The following TXNDC11 variants were observed in gnomAD, a reference collection of about 807,000 sequenced individuals.
TXNDC11 encodes thioredoxin domain-containing protein 11.
In TXNDC11, 68 loss-of-function variants were observed where a neutral mutation model predicts 78.0. The ratio of observed to expected loss-of-function variants is 0.87; its 90% CI spans 0.72 to 1.07. The LOEUF (loss-of-function observed/expected upper bound fraction) is 1.07, where lower values mean the gene tolerates loss of function less well. TXNDC11 is among the 50% of genes least tolerant of loss of function. The probability of loss-of-function intolerance (pLI) is 0.00; values close to 1 mark genes in which losing one functional copy is unlikely to be tolerated. For missense variants in TXNDC11, 1,389 were observed against 1,221.8 expected (o/e 1.14, Z -2.04); for synonymous variants, 571 against 495.2 (o/e 1.15, Z -2.03).
chr16:11,700,074 C>G (rs766494694), intron 6 of TXNDC11, among the ~76,000 whole-genome samples: 7 of 152,200 alleles, frequency 4.6e-5, no homozygotes, highest in African/African-American at 7.2e-5. Flanking sequence ...TACTACTCAT[C>G]ATAAAAGAAA....
At chr16:11,713,613 T>C (rs2051432946) in intron 5 of TXNDC11, among the ~76,000 whole-genome samples, 1 of 152,118 alleles carries the variant, frequency 6.6e-6, no homozygotes. Context: ...ACCGGGTTTC[T>C]CCGTGTTGGT....
intron 10 of TXNDC11, among the ~76,000 whole-genome samples, chr16:11,685,088 G>A (rs1439046440): frequency 6.6e-6 from 1 of 152,252 alleles, no homozygotes; most frequent in Non-Finnish European, 1.5e-5. Context: ...ACCAGGCTGA[G>A]CACAGGGGCT....
At chr16:11,734,913 G>A (rs755384269) in intron 2 of TXNDC11, among the ~76,000 whole-genome samples, 11 of 152,192 alleles carry the variant, frequency 7.2e-5, no homozygotes, top group Admixed American at 3.3e-4. Context: ...TGCATACGTA[G>A]GGCAGGGGTG....
At chr16:11,684,530 C>A (rs1007639490) in intron 10 of TXNDC11, among the ~76,000 whole-genome samples, 1 of 152,146 alleles carries the variant, frequency 6.6e-6, no homozygotes, top group Admixed American at 6.5e-5. Context: ...GTCATTCACT[C>A]CTCACCTGAC....
At chr16:11,685,882 T>C (rs1383895701) in intron 10 of TXNDC11, among the ~76,000 whole-genome samples, 1 of 152,194 alleles carries the variant, frequency 6.6e-6, no homozygotes, top group Non-Finnish European at 1.5e-5. Context: ...ATTAAAACAT[T>C]GTAAAAATCC....
At chr16:11,726,304 C>T (rs894652219) in intron 4 of TXNDC11, among the ~76,000 whole-genome samples, 6 of 151,990 alleles carry the variant, frequency 3.9e-5, no homozygotes, top group Non-Finnish European at 8.8e-5. Context: ...ACTCTTCGGC[C>T]GTGTGCGGTG....
rs1390556227 is a variant in TXNDC11, at chr16:11,742,591, C to G, written c.140G>C (p.Arg47Pro). The change falls in exon 1 of 12, where the codon CGG (arginine) becomes CCG (proline). Residue 47 changes from arginine to proline, a missense_variant. Physicochemically the swap from Arg to Pro is moderately radical, Grantham distance 103 (BLOSUM62 -2). Coordinates refer to ENST00000283033, the MANE Select transcript of TXNDC11 (RefSeq NM_015914.7). ...GGCGCCACGCAGCCCGCGACGGAGC[C>G]GGCCCGCCGAGGACGCTGTGGCCAG... ...PTLATASSAGRLRRGLRGAFL... is the reference protein window; with the variant it reads ...PTLATASSAGPLRRGLRGAFL... 1 of 1,457,328 alleles carries G rather than the reference C, an allele frequency of 6.9e-7. No homozygotes were observed. Among genetic ancestry groups the G allele is most frequent in the Non-Finnish European group, 9.0e-7 (1 of 1,110,644 alleles). The allele number at this position is 1,457,328 out of a possible 1,614,324, so 90.3% of individuals were successfully genotyped here.
intron 4 of TXNDC11, among the ~76,000 whole-genome samples, chr16:11,728,267 C>T (rs1039653322): frequency 6.6e-6 from 1 of 152,096 alleles, no homozygotes; most frequent in African/African-American, 2.4e-5. Context: ...GTATATTTTG[C>T]AAGACAAATG....
At chr16:11,714,178 C>T (rs1401573403) in intron 5 of TXNDC11, among the ~76,000 whole-genome samples, 2 of 152,136 alleles carry the variant, frequency 1.3e-5, no homozygotes, top group Non-Finnish European at 2.9e-5. Flanking sequence ...GTAGCTGCAA[C>T]TACAGGCTAA....
At chr16:11,735,972 T>C (rs1458290196) in intron 2 of TXNDC11, 45 bp downstream of exon 2, 4 of 1,591,514 alleles carry the variant, frequency 2.5e-6, no homozygotes, top group Non-Finnish European at 3.4e-6. Context: ...GCCCTACATA[T>C]AGGACTGACA....
At chr16:11,684,816 G>C (rs562573785) in intron 10 of TXNDC11, among the ~76,000 whole-genome samples, 1 of 152,344 alleles carries the variant, frequency 6.6e-6, no homozygotes, top group East Asian at 1.9e-4. Context: ...AGCTGGCACA[G>C]AGCTGGGCAC....
chr16:11,705,220 T>C (rs1010697116), intron 5 of TXNDC11, among the ~76,000 whole-genome samples: 45 of 152,286 alleles, frequency 3.0e-4, no homozygotes, highest in African/African-American at 9.9e-4. Context: ...TCTTAGTTTG[T>C]ACAAAACCAC....
chr16:11,697,057 T>G (rs143572441), intron 7 of TXNDC11, among the ~76,000 whole-genome samples: 4 of 152,250 alleles, frequency 2.6e-5, no homozygotes, highest in African/African-American at 9.6e-5. Flanking sequence ...ATCCATGTAG[T>G]GAAAATTTTC....
intron 5 of TXNDC11, among the ~76,000 whole-genome samples, chr16:11,712,377 C>G (rs1366909633): frequency 6.6e-6 from 1 of 152,142 alleles, no homozygotes; most frequent in Admixed American, 6.5e-5. Context: ...CCTCCCACCC[C>G]CCAGCACCCA....
At chr16:11,721,970 C>A (rs547054238) in intron 4 of TXNDC11, among the ~76,000 whole-genome samples, 1 of 152,306 alleles carries the variant, frequency 6.6e-6, no homozygotes, top group Non-Finnish European at 1.5e-5. Flanking sequence ...TCTTTCCACA[C>A]CCTGTTTGTT....
intron 1 of TXNDC11, 78 bp downstream of exon 1, chr16:11,742,399 G>T: frequency 8.3e-7 from 1 of 1,202,622 alleles, no homozygotes; most frequent in Non-Finnish European, 1.1e-6. Context: ...TGAGGCCGCT[G>T]CGACCCGGCC....
chr16:11,692,147 C>T, intron 7 of TXNDC11, 65 bp from the exon 8 acceptor site: 1 of 1,291,360 alleles, frequency 7.7e-7, no homozygotes, highest in Non-Finnish European at 1.1e-6. Context: ...CCCCGTTAGC[C>T]ACGTTTCACT....
intron 9 of TXNDC11, 36 bp downstream of exon 9, chr16:11,688,267 C>CA (rs2050617876): frequency 6.2e-7 from 1 of 1,603,986 alleles, no homozygotes; most frequent in Admixed American, 1.7e-5. Flanking sequence ...TTAAGAGGGA[C>CA]AGATGGCTTA....
intron 5 of TXNDC11, among the ~76,000 whole-genome samples, chr16:11,701,625 G>C (rs932076781): frequency 2.0e-5 from 3 of 152,160 alleles, no homozygotes; most frequent in African/African-American, 7.2e-5. Context: ...ACAAACCACA[G>C]AAAAGGAAAT....
Sources: gnomAD v4.1 joint callset for allele counts (sites outside exome capture counted in the v4.1 genomes callset) on GRCh38, gnomAD v4.1.1 for gene constraint, MANE v1.5 for transcripts, NCBI Gene and HGNC (gene_info 2026-07-23, HGNC 2026-07-21) for gene names.